PKHD1: variants seen among roughly 807,000 people sequenced by gnomAD.
The protein encoded by PKHD1 is fibrocystin.
In PKHD1, 291 loss-of-function variants were observed where a neutral mutation model predicts 412.0. The observed-to-expected ratio is 0.71, with a 90% CI of 0.64 to 0.78. The LOEUF is 0.78. Ranked by LOEUF, PKHD1 falls within the 30% of genes least tolerant of loss-of-function variation. The pLI is 0.00. For missense variants in PKHD1, 4,825 were observed against 4,950.7 expected (o/e 0.97, Z 0.76); for synonymous variants, 1,777 against 1,821.5 (o/e 0.98, Z 0.62).
intron 36 of PKHD1, among the ~76,000 whole-genome samples, chr6:51,950,220 A>AAAATATATATATATATATATATATATAT: frequency 1.2e-4 from 12 of 98,286 alleles, no homozygotes; most frequent in East Asian, 5.4e-4. Context: ...GAAAAAAAAA[A>AAAATATATATATATATATATATATATAT]ATATATATAT....
intron 37 of PKHD1, among the ~76,000 whole-genome samples, chr6:51,925,973 T>TAAAAAA (rs11430320): frequency 7.1e-6 from 1 of 140,326 alleles, no homozygotes; most frequent in Non-Finnish European, 1.5e-5. Context: ...CAATGCAGAT[T>TAAAAAA]AAAAAAAAAA....
intron 60 of PKHD1, among the ~76,000 whole-genome samples, chr6:51,666,886 A>G (rs1773899936): frequency 6.6e-6 from 1 of 151,942 alleles, no homozygotes; most frequent in Non-Finnish European, 1.5e-5. Flanking sequence ...ATCACATTTT[A>G]TGGCTCCATA....
chr6:52,027,814 A>G lies in PKHD1; in HGVS notation c.3628+15T>C, dbSNP rs764318029. 16 of 1,583,580 alleles carry G rather than the reference A, an allele frequency of 1.0e-5. No individual in the cohort carries two copies. Among genetic ancestry groups the G allele is most frequent in the Non-Finnish European group, 1.4e-5 (16 of 1,152,230 alleles). On this transcript the variant is annotated intron_variant, in intron 31 of 66. Transcript: ENST00000371117. Reference sequence around the variant, plus strand: ...TTGCTGGATAATTGATAACAGTCACATAAGAGCCACTCACCCAGCAGGGAC... The same window carrying G: ...TTGCTGGATAATTGATAACAGTCACGTAAGAGCCACTCACCCAGCAGGGAC...
At chr6:51,833,732 G>A (rs892533252) in intron 51 of PKHD1, among the ~76,000 whole-genome samples, 1 of 152,126 alleles carries the variant, frequency 6.6e-6, no homozygotes, top group Non-Finnish European at 1.5e-5. Flanking sequence ...GAGTGGTTGA[G>A]ACAGAAACCA....
At chr6:51,758,777 C>G (rs181311463) in intron 55 of PKHD1, among the ~76,000 whole-genome samples, 1 of 152,036 alleles carries the variant, frequency 6.6e-6, no homozygotes, top group African/African-American at 2.4e-5. Context: ...TAACTTTTGA[C>G]CTAGTTCAGA....
chr6:51,619,751 T>C (rs971003576), intron 66 of PKHD1, among the ~76,000 whole-genome samples: 3 of 107,404 alleles, frequency 2.8e-5, no homozygotes, highest in Non-Finnish European at 4.2e-5. Context: ...ATGAGGATTT[T>C]TCATTGTAAG....
In PKHD1 at chr6:51,934,162, A is replaced by T; in HGVS notation, c.6069T>A (p.Phe2023Leu). ...CAGCCAGGAACTTGACTCCATAGGG[A>T]AAGAAGGGAGTTGAGTAGGAACTCC... ...LYGSSYSTPF[F>L]PYGVKFLAVR... Residue 2023 changes from phenylalanine to leucine, a missense_variant, in exon 37 of 67, where the codon TTT becomes TTA. Transcript: ENST00000371117. 1 of 1,614,012 alleles carries T rather than the reference A, an allele frequency of 6.2e-7. No individual in the cohort carries two copies. Among genetic ancestry groups the T allele is most frequent in the South Asian group, 1.1e-5 (1 of 91,086 alleles).
intron 5 of PKHD1, among the ~76,000 whole-genome samples, chr6:52,079,278 C>T (rs887669098): frequency 1.3e-5 from 2 of 152,250 alleles, no homozygotes; most frequent in Non-Finnish European, 2.9e-5. Flanking sequence ...AACACTCTCT[C>T]TCTACTTCCT....
At chr6:52,050,347 C>T (rs755128560) in intron 21 of PKHD1, 52 bp from the exon 22 acceptor site, 53 of 1,591,950 alleles carry the variant, frequency 3.3e-5, no homozygotes, top group Non-Finnish European at 4.5e-5. Flanking sequence ...GGTAGACTTG[C>T]TGTGTGGAAA....
At chr6:51,970,570 T>TA (rs1325161899) in intron 35 of PKHD1, among the ~76,000 whole-genome samples, 1 of 152,240 alleles carries the variant, frequency 6.6e-6, no homozygotes, top group Non-Finnish European at 1.5e-5. Flanking sequence ...CTTCTAGGAC[T>TA]TTTATACTGT....
chr6:51,785,869 T>C (rs901454027), intron 53 of PKHD1, among the ~76,000 whole-genome samples: 1 of 152,178 alleles, frequency 6.6e-6, no homozygotes, highest in Non-Finnish European at 1.5e-5. Context: ...CAGACCTCTC[T>C]CACTGGTTTC....
intron 60 of PKHD1, among the ~76,000 whole-genome samples, chr6:51,662,671 A>C (rs2150435549): frequency 6.6e-6 from 1 of 152,052 alleles, no homozygotes; most frequent in Non-Finnish European, 1.5e-5. Context: ...CAGCAACAAA[A>C]TTGACTAACT....
chr6:52,085,028 ACAAAAAAAG>A lies in PKHD1; in HGVS notation c.-84-20_-84-12del. 1 of 882,754 alleles carries A rather than the reference ACAAAAAAAG, an allele frequency of 1.1e-6. No individual in the cohort carries two copies. Among genetic ancestry groups the A allele is most frequent in the Non-Finnish European group, 1.9e-6 (1 of 520,368 alleles). The allele number at this position is 882,754 out of a possible 1,614,324, so 54.7% of individuals were successfully genotyped here. On this transcript the variant is annotated splice_polypyrimidine_tract_variant and intron_variant, in intron 1 of 66. Coordinates refer to ENST00000371117, the MANE Select transcript of PKHD1 (RefSeq NM_138694.4). ...AGCATAGCTTTTGTGCTTTATAAAA[ACAAAAAAAG>A]CAAAAAAAAATTATCATTTTGTTTA... is the stretch of plus-strand genomic sequence containing the variant.
At chr6:51,789,323 A>G (rs191651479) in intron 53 of PKHD1, among the ~76,000 whole-genome samples, 1 of 152,226 alleles carries the variant, frequency 6.6e-6, no homozygotes, top group Non-Finnish European at 1.5e-5. Context: ...TAATTATTGA[A>G]TGTTCATTGC....
chr6:51,886,162 C>G (rs969713192), intron 44 of PKHD1, among the ~76,000 whole-genome samples, 190 bp from the exon 45 acceptor site: 1 of 152,132 alleles, frequency 6.6e-6, no homozygotes, highest in African/African-American at 2.4e-5. Context: ...GACCTGCTCC[C>G]GAATCCCAAC....
intron 37 of PKHD1, among the ~76,000 whole-genome samples, chr6:51,921,631 A>C (rs1195374522): frequency 6.6e-6 from 1 of 151,976 alleles, no homozygotes; most frequent in Admixed American, 6.6e-5. Context: ...CATTTCTTTT[A>C]ACTCTTTTTT....
intron 12 of PKHD1, 134 bp from the exon 13 acceptor site, chr6:52,065,184 G>GAGAGAGAGAGAGAGAC (rs1554220742): frequency 4.4e-4 from 52 of 119,416 alleles, no homozygotes; most frequent in African/African-American, 1.5e-3. Context: ...GAGAGAGAGA[G>GAGAGAGAGAGAGAGAC]AGAGAGAGAG....
chr6:51,685,579 G>A (rs1359076939), intron 60 of PKHD1, among the ~76,000 whole-genome samples: 1 of 151,968 alleles, frequency 6.6e-6, no homozygotes, highest in Non-Finnish European at 1.5e-5. Context: ...TCTGAGATTG[G>A]TCCCTTTCGT....
intron 52 of PKHD1, among the ~76,000 whole-genome samples, chr6:51,823,518 G>A (rs1405335382): frequency 1.3e-5 from 2 of 152,146 alleles, no homozygotes; most frequent in Non-Finnish European, 2.9e-5. Context: ...CATAAAGAGT[G>A]TCAAGGCCTA....
Sources: allele counts gnomAD v4.1 joint callset (sites outside exome capture counted in the v4.1 genomes callset), GRCh38; gene constraint gnomAD v4.1.1; transcripts MANE v1.5; gene names NCBI Gene and HGNC (gene_info 2026-07-23, HGNC 2026-07-21).